Variants in PHACTR3 observed in about 807,000 individuals in gnomAD.
PHACTR3 encodes the protein protein phosphatase 1, regulatory subunit 123.
Under a neutral mutation model 66.8 loss-of-function variants are expected in PHACTR3, and 16 were observed. The observed-to-expected ratio is 0.24, with a 90% CI of 0.16 to 0.36. The LOEUF is 0.36. Among genes scored for constraint, PHACTR3 ranks in the 10% least tolerant of loss-of-function variants. PHACTR3 has a pLI of 1.00. For synonymous variants in PHACTR3, 323 were observed against 292.1 expected (o/e 1.11, Z -1.08); for missense variants, 647 against 719.9 (o/e 0.90, Z 1.16).
At chr20:59,779,659 A>G (rs1189930129) in intron 7 of PHACTR3, among the ~76,000 whole-genome samples, 2 of 152,248 alleles carry the variant, frequency 1.3e-5, no homozygotes, top group Non-Finnish European at 2.9e-5. Context: ...ACGTTGTCTT[A>G]TCCCATGTGA....
chr20:59,605,043 G>A lies in PHACTR3; in HGVS notation c.29G>A (p.Cys10Tyr). 7.3e-7 allele frequency: 1 copy of A among 1,376,974 alleles called. No individual in the cohort carries two copies. Among genetic ancestry groups the A allele is most frequent in the Non-Finnish European group, 9.5e-7 (1 of 1,057,040 alleles). 85.3% of individuals were successfully genotyped at this position (1,376,974 alleles called of 1,614,324 possible). MAASEDGSG[C>Y]LVSRGRSQSD... ...GCCGCGTCGGAGGACGGGAGCGGCT[G>A]CCTCGTGTCGCGGGGCCGCTCGCAG... Residue 10 changes from cysteine to tyrosine, a missense_variant, in exon 1 of 13, where the codon TGC (cysteine) becomes TAC (tyrosine). This residue lies in a region of PHACTR3 where 577 missense variants were observed against 571.1 expected (regional missense o/e 1.01). Coordinates refer to ENST00000371015, the MANE Select transcript of PHACTR3 (RefSeq NM_080672.5).
intron 7 of PHACTR3, among the ~76,000 whole-genome samples, chr20:59,802,204 G>A (rs1241483843): frequency 1.3e-5 from 2 of 152,176 alleles, no homozygotes; most frequent in Admixed American, 6.5e-5. Flanking sequence ...CAGGAGGGAG[G>A]TGGTGTCTGG....
At position 59,605,100 on chromosome 20, in the gene PHACTR3, C is replaced by T; in HGVS notation, c.86C>T (p.Ala29Val). The T allele has an allele frequency of 7.1e-7, 1 of 1,399,134 alleles. No homozygotes were observed. Among genetic ancestry groups the T allele is most frequent in the Non-Finnish European group, 9.3e-7 (1 of 1,070,404 alleles). 86.7% of individuals were successfully genotyped at this position (1,399,134 alleles called of 1,614,324 possible). The change falls in exon 1 of 13, where the codon GCC becomes GTC. Residue 29 changes from alanine to valine, a missense_variant. Physicochemically the swap from Ala to Val is moderately conservative, Grantham distance 64 (BLOSUM62 0). Coordinates refer to ENST00000371015, the MANE Select transcript of PHACTR3 (RefSeq NM_080672.5). Reference protein sequence around the residue: ...SDPSVLTDSSATSSADAGENP... With the variant: ...SDPSVLTDSSVTSSADAGENP... ...CCCAGCGTCCTCACCGACTCCTCGG[C>T]CACCTCCTCCGCGGACGCCGGGGAG...
At chr20:59,591,613 C>T (rs2033184473) in intron 1 of PHACTR3, among the ~76,000 whole-genome samples, 1 of 152,060 alleles carries the variant, frequency 6.6e-6, no homozygotes, top group Non-Finnish European at 1.5e-5. Context: ...CTTTTTCCCA[C>T]AGTGCAGTGC....
chr20:59,840,055 GAC>G lies in PHACTR3; in HGVS notation c.1385-312_1385-311del, dbSNP rs370604836. ...AAATATAAAGATATTTGGGGAGAAA[GAC>G]AGACACAGAGGTGTCTACTTCCTTA... On this transcript the variant is annotated intron_variant, in intron 9 of 12. Transcript: ENST00000371015. Among the ~76,000 whole-genome samples, 52 of 150,950 alleles carry G rather than the reference GAC, an allele frequency of 3.4e-4. No homozygotes were observed. The East Asian group carries it at 6.4e-3, about 19-fold the overall frequency.
intron 1 of PHACTR3, among the ~76,000 whole-genome samples, chr20:59,708,969 T>A (rs1227730906): frequency 1.3e-5 from 2 of 152,200 alleles, no homozygotes; most frequent in Admixed American, 1.3e-4. Context: ...TACCTTCCAG[T>A]CTTCATTGGC....
At chr20:59,674,789 C>A (rs983055158) in intron 1 of PHACTR3, among the ~76,000 whole-genome samples, 2 of 60,600 alleles carry the variant, frequency 3.3e-5, no homozygotes, top group East Asian at 6.5e-4. Flanking sequence ...TCTGTTTCCC[C>A]CCTTCTCCTC....
chr20:59,777,251 A>G (rs2040570371), intron 7 of PHACTR3, among the ~76,000 whole-genome samples: 1 of 152,198 alleles, frequency 6.6e-6, no homozygotes, highest in Admixed American at 6.5e-5. Context: ...CTCCTCATCT[A>G]GAGATTAACT....
At chr20:59,695,031 TC>T (rs1407044035) in intron 1 of PHACTR3, among the ~76,000 whole-genome samples, 2 of 151,812 alleles carry the variant, frequency 1.3e-5, no homozygotes, top group Non-Finnish European at 2.9e-5. Context: ...TTTTCATAAT[TC>T]CCCCAAGGAT....
intron 1 of PHACTR3, among the ~76,000 whole-genome samples, chr20:59,648,370 G>T (rs1311528573): frequency 6.6e-6 from 1 of 152,220 alleles, no homozygotes; most frequent in Non-Finnish European, 1.5e-5. Flanking sequence ...CCTGGAGGTG[G>T]TCAGCTTCTT....
Position 59,748,068 on chromosome 20 carries a change from A to ATT in PHACTR3, c.358+233_358+234insTT, listed in dbSNP as rs1298735583. Among the ~76,000 whole-genome samples, 8 of 152,170 alleles carry ATT rather than the reference A, an allele frequency of 5.3e-5. No individual in the cohort carries two copies. The East Asian group carries it at 1.3e-3, about 26-fold the overall frequency. On this transcript the variant is annotated intron_variant, in intron 3 of 12. Transcript: ENST00000371015. ...GAGCTGAAGAGCTCCCCCTCATGGC[A>ATT]CCACTCCTCTCTGGGGAATGTCTAA... is the stretch of plus-strand genomic sequence containing the variant.
At chr20:59,686,709 G>C (rs1199168256) in intron 1 of PHACTR3, among the ~76,000 whole-genome samples, 2 of 149,552 alleles carry the variant, frequency 1.3e-5, no homozygotes, top group Non-Finnish European at 3.0e-5. Context: ...TGATGATGGT[G>C]GTGATGGTGG....
chr20:59,847,004 A>G (rs1189749246), intron 12 of PHACTR3, 111 bp from the exon 13 acceptor site: 4 of 712,286 alleles, frequency 5.6e-6, no homozygotes, highest in Non-Finnish European at 9.7e-6. Context: ...TACATATGGG[A>G]CTTCTGAGAA....
At chr20:59,792,804 A>G (rs1275029284) in intron 7 of PHACTR3, among the ~76,000 whole-genome samples, 1 of 152,126 alleles carries the variant, frequency 6.6e-6, no homozygotes, top group African/African-American at 2.4e-5. Flanking sequence ...GTCTGTTTTT[A>G]TGCTGCTTTA....
intron 2 of PHACTR3, among the ~76,000 whole-genome samples, chr20:59,747,009 G>A (rs1454127592): frequency 1.3e-5 from 2 of 152,216 alleles, no homozygotes. Flanking sequence ...TCACCTGTAG[G>A]CAAACAGTTT....
In PHACTR3 at chr20:59,622,989, A is replaced by AAAAAAAAAAAAAAAAAAC. The variant is rs1325417969; in HGVS notation, c.118+17869_118+17870insAAAAACAAAAAAAAAAAA. 1.3e-4 allele frequency among the ~76,000 whole-genome samples: 19 copies of AAAAAAAAAAAAAAAAAAC among 141,458 alleles called. 1 individual carries two copies. The highest frequency in any genetic ancestry group is 8.8e-4 in the Admixed American group (11 of 12,518). The allele number at this position is 141,458 out of a possible 152,430, so 92.8% of individuals were successfully genotyped here. ...TTTACAGCAGCTTTAACCAAAAAAA[A>AAAAAAAAAAAAAAAAAAC]AAAAAAAAAAAACCCAAATCTTCAG... On this transcript the variant is annotated intron_variant, in intron 1 of 12. Transcript: ENST00000371015.
intron 8 of PHACTR3, among the ~76,000 whole-genome samples, chr20:59,814,175 C>A (rs1421779592): frequency 6.6e-6 from 1 of 152,160 alleles, no homozygotes; most frequent in Non-Finnish European, 1.5e-5. Context: ...CGCCCCTCTG[C>A]TGCAGTGCAG....
chr20:59,667,224 T>G (rs1366042125), intron 1 of PHACTR3, among the ~76,000 whole-genome samples: 1 of 152,162 alleles, frequency 6.6e-6, no homozygotes, highest in Non-Finnish European at 1.5e-5. Context: ...CAGGGGAGGT[T>G]GAGGTAATAA....
chr20:59,739,268 T>C (rs918362991), intron 1 of PHACTR3, among the ~76,000 whole-genome samples: 3 of 152,158 alleles, frequency 2.0e-5, no homozygotes, highest in Non-Finnish European at 4.4e-5. Flanking sequence ...AAGACATTCC[T>C]GGGCTTGTCT....
Sources: gnomAD v4.1 joint callset for allele counts (sites outside exome capture counted in the v4.1 genomes callset) on GRCh38, gnomAD v4.1.1 for gene constraint, gnomAD v4.1.1 regional missense constraint, MANE v1.5 for transcripts, NCBI Gene and HGNC (gene_info 2026-07-23, HGNC 2026-07-21) for gene names.